SNX13: variants seen among roughly 807,000 people sequenced by gnomAD.
SNX13 encodes sorting nexin-13.
In SNX13, 45 loss-of-function variants were observed where a neutral mutation model predicts 133.6. That is an observed-to-expected ratio of 0.34 (90% CI 0.27 to 0.43). The LOEUF (loss-of-function observed/expected upper bound fraction) is 0.43, where lower values mean the gene tolerates loss of function less well. Among genes scored for constraint, SNX13 ranks in the 20% least tolerant of loss-of-function variants. The pLI is 1.00. For synonymous variants in SNX13, 414 were observed against 373.9 expected (o/e 1.11, Z -1.24); for missense variants, 1,032 against 1,145.1 (o/e 0.90, Z 1.43).
intron 5 of SNX13, among the ~76,000 whole-genome samples, chr7:17,878,514 T>C (rs908077779): frequency 6.6e-6 from 1 of 152,048 alleles, no homozygotes; most frequent in Non-Finnish European, 1.5e-5. Flanking sequence ...AAAACAAAAC[T>C]ATAAAGTGTG....
intron 5 of SNX13, 56 bp downstream of exon 5, chr7:17,890,307 C>G (rs1796487564): frequency 6.5e-7 from 1 of 1,549,676 alleles, no homozygotes; most frequent in Non-Finnish European, 8.7e-7. Flanking sequence ...GTTTTCCTTA[C>G]TGGTACAAAC....
intron 5 of SNX13, chr7:17,880,356 C>T (rs1054715357): frequency 6.6e-6 from 1 of 152,192 alleles, no homozygotes; most frequent in Non-Finnish European, 1.5e-5. Context: ...ATAGAAACTA[C>T]CTTGTCATAT....
chr7:17,854,038 A>G (rs1583487405), intron 9 of SNX13, among the ~76,000 whole-genome samples: 1 of 152,218 alleles, frequency 6.6e-6, no homozygotes, highest in Non-Finnish European at 1.5e-5. Flanking sequence ...AAAAATGACA[A>G]CAAAACTGAA....
intron 25 of SNX13, 117 bp downstream of exon 25, chr7:17,796,710 T>C: frequency 1.4e-6 from 1 of 715,480 alleles, no homozygotes; most frequent in Non-Finnish European, 2.5e-6. Context: ...CTGATATGTA[T>C]TAAGCCATCA....
chr7:17,923,913 A>G (rs1299177617), intron 1 of SNX13, among the ~76,000 whole-genome samples: 2 of 152,220 alleles, frequency 1.3e-5, no homozygotes, highest in Non-Finnish European at 2.9e-5. Flanking sequence ...AAAATATTCT[A>G]TAAATATATA....
At chr7:17,900,919 T>A (rs1249206195) in intron 1 of SNX13, among the ~76,000 whole-genome samples, 1 of 151,864 alleles carries the variant, frequency 6.6e-6, no homozygotes, top group African/African-American at 2.4e-5. Flanking sequence ...ATGTACTAGG[T>A]CACATCTAAA....
chr7:17,850,272 T>C, intron 11 of SNX13, 75 bp downstream of exon 11: 1 of 901,624 alleles, frequency 1.1e-6, no homozygotes, highest in Non-Finnish European at 1.6e-6. Context: ...CTGCTTTTTG[T>C]CCTTTACTGT....
Position 17,909,498 on chromosome 7 carries a change from C to T in SNX13, c.13-12052G>A, listed in dbSNP as rs189834276. On this transcript the variant is annotated intron_variant, in intron 1 of 25. Coordinates refer to ENST00000428135, the MANE Select transcript of SNX13 (RefSeq NM_015132.5). ...GGATAAAGAAAATGTGGTACATATA[C>T]ACCATGGAATACTATGCAGCCATAA... Among the ~76,000 whole-genome samples the T allele has an allele frequency of 6.6e-5, 10 of 152,320 alleles. No homozygotes were observed. The East Asian group carries it at 1.9e-3, about 29-fold the overall frequency.
chr7:17,844,938 T>C (rs954679369), intron 12 of SNX13, among the ~76,000 whole-genome samples: 2 of 152,092 alleles, frequency 1.3e-5, no homozygotes, highest in East Asian at 1.9e-4. Context: ...GTGAATAATA[T>C]ACTCAATGAT....
At chr7:17,838,437 GT>G (rs1789417390) in intron 13 of SNX13, among the ~76,000 whole-genome samples, 1 of 151,744 alleles carries the variant, frequency 6.6e-6, no homozygotes, top group South Asian at 2.1e-4. Flanking sequence ...CCAACTTTTG[GT>G]TTTAGATTTT....
chr7:17,811,644 C>A (rs766336756), intron 20 of SNX13, among the ~76,000 whole-genome samples: 72 of 152,252 alleles, frequency 4.7e-4, no homozygotes, highest in Non-Finnish European at 9.0e-4. Context: ...TTAGAAAAAA[C>A]TACTTTAAAT....
intron 1 of SNX13, among the ~76,000 whole-genome samples, chr7:17,937,701 T>A (rs1802274399): frequency 6.6e-6 from 1 of 152,154 alleles, no homozygotes; most frequent in Non-Finnish European, 1.5e-5. Context: ...CATTCCACAC[T>A]GAGTCATAAA....
chr7:17,798,993 G>A lies in SNX13; in HGVS notation c.2444+16C>T. On this transcript the variant is annotated intron_variant, in intron 23 of 25. Coordinates refer to ENST00000428135, the MANE Select transcript of SNX13 (RefSeq NM_015132.5). Reference sequence around the variant, plus strand: ...TAAGTAAGATCAGATTAAAAGCGAGGAGGAAAGAGTGCTACCTATTAATAG... The same window carrying A: ...TAAGTAAGATCAGATTAAAAGCGAGAAGGAAAGAGTGCTACCTATTAATAG... 1 of 1,602,506 alleles carries A rather than the reference G, an allele frequency of 6.2e-7. No homozygotes were observed. Among genetic ancestry groups the A allele is most frequent in the Non-Finnish European group, 8.5e-7 (1 of 1,174,724 alleles).
intron 2 of SNX13, 56 bp from the exon 3 acceptor site, chr7:17,893,490 G>T (rs1297997436): frequency 1.5e-5 from 16 of 1,059,014 alleles, no homozygotes; most frequent in Non-Finnish European, 2.1e-5. Flanking sequence ...ATAATTTAAT[G>T]AATCTACTAC....
intron 1 of SNX13, among the ~76,000 whole-genome samples, chr7:17,928,746 A>C (rs1010627703): frequency 1.3e-5 from 2 of 152,214 alleles, no homozygotes; most frequent in Admixed American, 1.3e-4. Context: ...GTATGTTCTA[A>C]AGTTAGCAAC....
In SNX13 at chr7:17,890,453, T is replaced by C; in HGVS notation, c.350A>G (p.Gln117Arg). 1.3e-6 allele frequency: 2 copies of C among 1,596,854 alleles called. No homozygotes were observed. Among genetic ancestry groups the C allele is most frequent in the Non-Finnish European group, 1.7e-6 (2 of 1,170,630 alleles). ...ATCGCTTAGTGTATAATACCAATAC[T>C]GGACATAATCCCTCAAGGAAAACTG... is the stretch of plus-strand genomic sequence containing the variant. ...VIQFSLRDYV[Q>R]YWYYTLSDDE... Residue 117 changes from glutamine to arginine, a missense_variant, in exon 5 of 26, where the codon CAG (glutamine) becomes CGG (arginine). Transcript: ENST00000428135.
chr7:17,853,866 G>A (rs919107199), intron 9 of SNX13, among the ~76,000 whole-genome samples: 2 of 152,030 alleles, frequency 1.3e-5, no homozygotes, highest in East Asian at 1.9e-4. Flanking sequence ...GCTTGAACCC[G>A]GGAGGCGGAG....
At chr7:17,827,385 T>A (rs1788030327) in intron 16 of SNX13, among the ~76,000 whole-genome samples, 1 of 152,036 alleles carries the variant, frequency 6.6e-6, no homozygotes, top group Admixed American at 6.6e-5. Context: ...AGGATGTGAA[T>A]GAGCTTTTGA....
intron 1 of SNX13, among the ~76,000 whole-genome samples, chr7:17,913,678 ACATACGTCAGT>A (rs1799238016): frequency 6.6e-6 from 1 of 151,892 alleles, no homozygotes; most frequent in Non-Finnish European, 1.5e-5. Context: ...ATCACAAGCA[ACATACGTCAGT>A]CATACCCTCA....
Sources: gnomAD v4.1 joint callset for allele counts (sites outside exome capture counted in the v4.1 genomes callset) on GRCh38, gnomAD v4.1.1 for gene constraint, MANE v1.5 for transcripts, NCBI Gene and HGNC (gene_info 2026-07-23, HGNC 2026-07-21) for gene names.